Variants in C10orf67 observed in about 807,000 individuals in gnomAD.
C10orf67 encodes uncharacterized protein C10orf67, mitochondrial.
A neutral mutation model predicts 35.6 loss-of-function variants in C10orf67; 60 were observed. The observed-to-expected ratio is 1.68, with a 90% CI of 1.37 to 2.09. The LOEUF (loss-of-function observed/expected upper bound fraction) is 2.09, where lower values mean the gene tolerates loss of function less well. C10orf67 is among the 30% of genes most tolerant of loss of function. The pLI, the probability that C10orf67 is intolerant of heterozygous loss-of-function variation, is 0.00. For missense variants in C10orf67, 474 were observed against 330.2 expected (o/e 1.44, Z -3.38); for synonymous variants, 167 against 115.8 (o/e 1.44, Z -2.84).
chr10:23,318,995 T>A lies in C10orf67; in HGVS notation c.546+1746A>T, dbSNP rs1588689921. On this transcript the variant is annotated intron_variant, in intron 4 of 15. Coordinates refer to ENST00000636213, the MANE Select transcript of C10orf67 (RefSeq NM_001371909.1). Reference sequence around the variant, plus strand: ...AAGAAAGGGTCTTCCATGAGAACCCTTTTTTTTCTTTCCAATTTTTGTTTT... The same window carrying A: ...AAGAAAGGGTCTTCCATGAGAACCCATTTTTTTCTTTCCAATTTTTGTTTT... The A allele has an allele frequency of 8.4e-6, 6 of 713,460 alleles. No homozygotes were observed. In the Admixed American group the frequency reaches 1.2e-4, roughly 14 times the overall value. The allele number at this position is 713,460 out of a possible 1,614,324, so 44.2% of individuals were successfully genotyped here.
At chr10:23,256,746 GA>G (rs940008575) in intron 10 of C10orf67, among the ~76,000 whole-genome samples, 15 of 151,780 alleles carry the variant, frequency 9.9e-5, no homozygotes, top group East Asian at 9.7e-4. Flanking sequence ...GAGCAATTTT[GA>G]AAGGAGTCTC....
At chr10:23,283,112 C>T (rs1843416725) in intron 7 of C10orf67, among the ~76,000 whole-genome samples, 1 of 152,068 alleles carries the variant, frequency 6.6e-6, no homozygotes, top group South Asian at 2.1e-4. Flanking sequence ...GTGATGCATA[C>T]CCCACTTACC....
At chr10:23,306,092 A>G (rs980603928) in intron 4 of C10orf67, among the ~76,000 whole-genome samples, 12 of 152,346 alleles carry the variant, frequency 7.9e-5, no homozygotes, top group African/African-American at 2.9e-4. Context: ...AAAGAAGGAT[A>G]TCTTGCTATT....
chr10:23,226,816 A>G (rs1841755179), intron 13 of C10orf67, among the ~76,000 whole-genome samples: 2 of 152,244 alleles, frequency 1.3e-5, no homozygotes, highest in South Asian at 4.1e-4. Flanking sequence ...AAACACCTCT[A>G]TGCAAATAAA....
In C10orf67 at chr10:23,330,884, C is replaced by T. The variant is rs150902074; in HGVS notation, c.327+2178G>A. Among the ~76,000 whole-genome samples the T allele has an allele frequency of 1.4e-4, 21 of 151,832 alleles. No homozygotes were observed. The East Asian group carries it at 3.9e-3, about 28-fold the overall frequency. On this transcript the variant is annotated intron_variant, in intron 2 of 15. Coordinates refer to ENST00000636213, the MANE Select transcript of C10orf67 (RefSeq NM_001371909.1). Reference sequence around the variant, plus strand: ...TCTGCTGTATATTGTTTCAACCTCACGGTTCAAACAGTAGGATCCATGCTC... The same window carrying T: ...TCTGCTGTATATTGTTTCAACCTCATGGTTCAAACAGTAGGATCCATGCTC...
intron 1 of C10orf67, among the ~76,000 whole-genome samples, chr10:23,338,550 TCTTATCCATCATC>T (rs1845771201): frequency 1.3e-5 from 2 of 152,152 alleles, no homozygotes; most frequent in Admixed American, 1.3e-4. Context: ...TTACAGAACA[TCTTATCCATCATC>T]ACGGTATTCT....
chr10:23,238,058 T>C (rs1842092553), intron 13 of C10orf67, among the ~76,000 whole-genome samples: 1 of 152,226 alleles, frequency 6.6e-6, no homozygotes, highest in East Asian at 1.9e-4. Flanking sequence ...TTCTAAGCTC[T>C]GCAAGTAAAA....
intron 9 of C10orf67, among the ~76,000 whole-genome samples, chr10:23,266,933 T>G (rs927232259): frequency 2.6e-5 from 4 of 152,164 alleles, no homozygotes; most frequent in Non-Finnish European, 5.9e-5. Context: ...TTTAAAGAGA[T>G]AGAGTCTCAC....
chr10:23,209,993 T>G (rs1329912027), intron 15 of C10orf67, among the ~76,000 whole-genome samples: 1 of 107,908 alleles, frequency 9.3e-6, no homozygotes, highest in East Asian at 3.3e-4. Flanking sequence ...GAGCCAGACC[T>G]TGGCTAAAAA....
chr10:23,315,423 T>A (rs72788416), intron 4 of C10orf67, among the ~76,000 whole-genome samples: 1 of 151,978 alleles, frequency 6.6e-6, no homozygotes, highest in African/African-American at 2.4e-5. Context: ...AGAGCATGTG[T>A]TTTTTGTTTT....
intron 10 of C10orf67, among the ~76,000 whole-genome samples, chr10:23,265,863 T>C (rs1193574485): frequency 1.3e-5 from 2 of 152,084 alleles, no homozygotes; most frequent in Non-Finnish European, 2.9e-5. Context: ...TTTCATCCAG[T>C]TGTAGGTTGA....
intron 1 of C10orf67, among the ~76,000 whole-genome samples, chr10:23,335,137 G>A (rs11013398): frequency 0.16 from 24,667 of 150,544 alleles, 2,184 homozygotes; most frequent in Middle Eastern, 0.24. Context: ...GCAGTGAGCC[G>A]AGATCGCACC....
intron 2 of C10orf67, among the ~76,000 whole-genome samples, chr10:23,326,664 G>A (rs937399199): frequency 6.6e-6 from 1 of 152,102 alleles, no homozygotes; most frequent in Non-Finnish European, 1.5e-5. Flanking sequence ...AGTTTGTAAT[G>A]TATGTATAAT....
At chr10:23,224,423 G>A (rs532251489) in intron 13 of C10orf67, among the ~76,000 whole-genome samples, 56 of 152,230 alleles carry the variant, frequency 3.7e-4, no homozygotes, top group African/African-American at 1.3e-3. Flanking sequence ...CGACAAGGAT[G>A]GGGAAAAAAC....
intron 8 of C10orf67, among the ~76,000 whole-genome samples, chr10:23,271,030 C>T (rs1375869590): frequency 1.3e-5 from 2 of 152,192 alleles, no homozygotes; most frequent in Non-Finnish European, 2.9e-5. Context: ...ACAGACCCCT[C>T]TCACATTCAA....
At chr10:23,329,812 A>AAAAAAAAAG (rs905791499) in intron 2 of C10orf67, among the ~76,000 whole-genome samples, 9 of 148,504 alleles carry the variant, frequency 6.1e-5, no homozygotes, top group African/African-American at 1.0e-4. Context: ...AAAAAAAAAA[A>AAAAAAAAAG]AAAAGAAAAG....
chr10:23,312,514 G>C (rs1844536562), intron 4 of C10orf67, among the ~76,000 whole-genome samples: 1 of 152,142 alleles, frequency 6.6e-6, no homozygotes, highest in Non-Finnish European at 1.5e-5. Flanking sequence ...GTTTCTTTTA[G>C]TGTAGAATAT....
At chr10:23,268,103 C>T (rs909061128) in intron 8 of C10orf67, among the ~76,000 whole-genome samples, 1 of 152,032 alleles carries the variant, frequency 6.6e-6, no homozygotes, top group African/African-American at 2.4e-5. Context: ...GCCTGAGCAA[C>T]ATAGCAAGAC....
intron 12 of C10orf67, among the ~76,000 whole-genome samples, chr10:23,247,435 G>C (rs751154946): frequency 1.3e-5 from 2 of 152,148 alleles, no homozygotes; most frequent in Non-Finnish European, 2.9e-5. Context: ...TGTAGCCTAG[G>C]AGCAATAGGC....
Sources: allele counts gnomAD v4.1 joint callset (sites outside exome capture counted in the v4.1 genomes callset), GRCh38; gene constraint gnomAD v4.1.1; transcripts MANE v1.5; gene names NCBI Gene and HGNC (gene_info 2026-07-23, HGNC 2026-07-21).